The following FGF8 variants were observed in gnomAD, a reference collection of about 807,000 sequenced individuals.
The protein encoded by FGF8 is androgen-induced growth factor.
In FGF8, 12 loss-of-function variants were observed where a neutral mutation model predicts 29.7. The observed-to-expected ratio is 0.40, with a 90% CI of 0.26 to 0.65. The LOEUF (loss-of-function observed/expected upper bound fraction) is 0.65, where lower values mean the gene tolerates loss of function less well. Among genes scored for constraint, FGF8 ranks in the 30% least tolerant of loss-of-function variants. The pLI is 0.37. For synonymous variants in FGF8, 157 were observed against 144.4 expected (o/e 1.09, Z -0.63); for missense variants, 271 against 345.1 (o/e 0.79, Z 1.70).
Position 101,772,773 on chromosome 10 carries a change from A to G in FGF8, c.338-1204T>C, listed in dbSNP as rs1589811790. 6.6e-6 allele frequency among the ~76,000 whole-genome samples: 1 copy of G among 152,112 alleles called. No homozygotes were observed. The highest frequency in any genetic ancestry group is 1.9e-4 in the East Asian group (1 of 5,176). The stretch of plus-strand genomic sequence containing the variant: ...GCTTGTAATGTTCCCCGCTTCACAC[A>G]GGCTCAGTGCTGGGACCAGTGGCCA... On this transcript the variant is annotated intron_variant, in intron 4 of 5. Coordinates refer to ENST00000320185, the MANE Select transcript of FGF8 (RefSeq NM_033163.5). The surrounding 1 kb of genome is among the most constrained non-coding windows in gnomAD (Gnocchi z 4.4).
At chr10:101,773,333 C>T (rs1403236150) in intron 4 of FGF8, among the ~76,000 whole-genome samples, 3 of 152,188 alleles carry the variant, frequency 2.0e-5, no homozygotes, top group Admixed American at 6.5e-5. Flanking sequence ...GCCAGGCATT[C>T]GTCTCCTCTC....
chr10:101,770,500 G>C lies in FGF8; in HGVS notation c.564C>G (p.Pro188=). ...GCTGCCGCGTCTTGGAGCCCTTGCG[G>C]GGCCGGCCCTTGCGGGTGAAGGCCA... ...WYMAFTRKGR[P]RKGSKTRQHQ... The change falls in exon 6 of 6, where the codon CCC becomes CCG. Residue 188 remains proline, a synonymous_variant. Coordinates refer to ENST00000320185, the MANE Select transcript of FGF8 (RefSeq NM_033163.5). 1.2e-6 allele frequency: 2 copies of C among 1,613,696 alleles called. No homozygotes were observed. The highest frequency in any genetic ancestry group is 1.7e-6 in the Non-Finnish European group (2 of 1,179,924).
Position 101,775,703 on chromosome 10 carries a change from G to T in FGF8, c.69+37C>A. On this transcript the variant is annotated intron_variant, in intron 2 of 5. Coordinates refer to ENST00000320185, the MANE Select transcript of FGF8 (RefSeq NM_033163.5). The surrounding 1 kb of genome is among the most constrained non-coding windows in gnomAD (Gnocchi z 4.6). The stretch of plus-strand genomic sequence containing the variant: ...CGCTGCCCACCCGGGTCTCACACCG[G>T]CGCGCCCGGCCCCCGCCTCCGCGCA... The T allele has an allele frequency of 1.3e-6, 2 of 1,539,774 alleles. No individual in the cohort carries two copies. The highest frequency in any genetic ancestry group is 2.8e-5 in the African/African-American group (2 of 72,628).
At chr10:101,774,674 G>A in intron 4 of FGF8, 58 bp downstream of exon 4, 1 of 1,477,452 alleles carries the variant, frequency 6.8e-7, no homozygotes, top group Non-Finnish European at 9.3e-7. Context: ...GGCCAGTGCA[G>A]TTGGGACTGG....
chr10:101,778,143 A>G (rs2065113515), upstream of FGF8, among the ~76,000 whole-genome samples: 1 of 152,254 alleles, frequency 6.6e-6, no homozygotes, highest in Non-Finnish European at 1.5e-5. Context: ...TGTACACAGT[A>G]GGCCCTCAAG....
rs746533135 is a variant in FGF8 at position 101,775,832 on chromosome 10, G to C, written c.32+37C>G. Reference sequence around the variant, plus strand: ...AGGCGCGGGTGAGGCGAGGGGCGCGGGGGGCGGGTGGCGGGGCAGGGCGGC... The same window carrying C: ...AGGCGCGGGTGAGGCGAGGGGCGCGCGGGGCGGGTGGCGGGGCAGGGCGGC... On this transcript the variant is annotated intron_variant, in intron 1 of 5. Coordinates refer to ENST00000320185, the MANE Select transcript of FGF8 (RefSeq NM_033163.5). The surrounding 1 kb of genome is among the most constrained non-coding windows in gnomAD (Gnocchi z 4.6). 142 of 1,521,428 alleles carry C rather than the reference G, an allele frequency of 9.3e-5. No homozygotes were observed. In the African/African-American group the frequency reaches 1.9e-3, roughly 20 times the overall value. The allele number at this position is 1,521,428 out of a possible 1,614,324, so 94.2% of individuals were successfully genotyped here. A position where few individuals can be genotyped will look rare whatever the true frequency, so the allele number is the denominator to read the frequency against.
rs1252351111 is a variant in FGF8, at chr10:101,770,426, G to A, written c.638C>T (p.Thr213Ile). Residue 213 changes from threonine to isoleucine, a missense_variant, in exon 6 of 6, where the codon ACC (threonine) becomes ATC (isoleucine). Around this residue, in one of 3 missense-constraint regions of FGF8, gnomAD observed 62 missense variants for 58.1 expected, o/e 1.07. Coordinates refer to ENST00000320185, the MANE Select transcript of FGF8 (RefSeq NM_033163.5). ...CTCGAAGCGCAGGCTCTGCTCGGTG[G>A]TGTGGTGGCCCCGGGGCAGCCGCTT... is the stretch of plus-strand genomic sequence containing the variant. ...FMKRLPRGHHTTEQSLRFEFL... is the reference protein window; with the variant it reads ...FMKRLPRGHHITEQSLRFEFL... 2 of 1,609,240 alleles carry A rather than the reference G, an allele frequency of 1.2e-6. No individual in the cohort carries two copies. Among genetic ancestry groups the A allele is most frequent in the South Asian group, 1.1e-5 (1 of 90,374 alleles).
intron 4 of FGF8, among the ~76,000 whole-genome samples, chr10:101,773,528 A>G: frequency 7.2e-6 from 1 of 139,838 alleles, no homozygotes. Flanking sequence ...GCCGCAGTTT[A>G]CGGCAGCTCT....
At chr10:101,773,333 CG>C (rs2065048190) in intron 4 of FGF8, among the ~76,000 whole-genome samples, 2 of 152,188 alleles carry the variant, frequency 1.3e-5, no homozygotes, top group East Asian at 3.9e-4. Flanking sequence ...GCCAGGCATT[CG>C]TCTCCTCTCC....
upstream of FGF8, among the ~76,000 whole-genome samples, chr10:101,777,739 G>C (rs1480383896): frequency 6.6e-6 from 1 of 152,244 alleles, no homozygotes; most frequent in African/African-American, 2.4e-5. Context: ...GGGCAGAGCT[G>C]TTCTGCAATT....
chr10:101,770,422 G>T lies in FGF8; in HGVS notation c.642C>A (p.Thr214=). Residue 214 remains threonine, a synonymous_variant, in exon 6 of 6, where the codon ACC becomes ACA. Transcript: ENST00000320185. ...GGAACTCGAAGCGCAGGCTCTGCTC[G>T]GTGGTGTGGTGGCCCCGGGGCAGCC... ...MKRLPRGHHT[T]EQSLRFEFLN... The T allele has an allele frequency of 6.2e-7, 1 of 1,608,484 alleles. No homozygotes were observed.
At chr10:101,779,665 CG>C (rs1295767701), upstream of FGF8, among the ~76,000 whole-genome samples, 1 of 77,540 alleles carries the variant, frequency 1.3e-5, no homozygotes, top group Non-Finnish European at 2.6e-5. This position sits in a 1 kb window ranked among gnomAD's most constrained non-coding sequence, Gnocchi z 5.7. Flanking sequence ...AGTGGCATCG[CG>C]GGGGGTGGGT....
rs1449292754 is a variant in FGF8, at chr10:101,775,664, G to C, written c.69+76C>G. On this transcript the variant is annotated intron_variant, in intron 2 of 5. Transcript: ENST00000320185. This position sits in a 1 kb window ranked among gnomAD's most constrained non-coding sequence, Gnocchi z 4.6. ...CGCGCCGGCCGCAGAGTCAGTCCCG[G>C]TGCCCCCGACCGGCGCTGCCCACCC... 1 of 1,499,620 alleles carries C rather than the reference G, an allele frequency of 6.7e-7. No homozygotes were observed. The highest frequency in any genetic ancestry group is 1.4e-5 in the African/African-American group (1 of 71,758). The allele number at this position is 1,499,620 out of a possible 1,614,324, so 92.9% of individuals were successfully genotyped here. A position where few individuals can be genotyped will look rare whatever the true frequency, so the allele number is the denominator to read the frequency against.
upstream of FGF8, among the ~76,000 whole-genome samples, chr10:101,779,091 G>GC (rs1456884852): frequency 6.6e-6 from 1 of 151,622 alleles, no homozygotes; most frequent in Non-Finnish European, 1.5e-5. The surrounding 1 kb of genome is among the most constrained non-coding windows in gnomAD (Gnocchi z 5.7). Flanking sequence ...CCGCAGACAC[G>GC]CCCTCGCCTG....
intron 4 of FGF8, among the ~76,000 whole-genome samples, chr10:101,773,192 G>A (rs576344763): frequency 5.3e-5 from 8 of 152,172 alleles, no homozygotes; most frequent in Non-Finnish European, 1.0e-4. Context: ...ATATGGCCAC[G>A]GAGAGAAGTG....
chr10:101,772,807 G>A lies in FGF8; in HGVS notation c.338-1238C>T, dbSNP rs1589811823. 6.6e-6 allele frequency among the ~76,000 whole-genome samples: 1 copy of A among 152,152 alleles called. No homozygotes were observed. The highest frequency in any genetic ancestry group is 1.9e-4 in the East Asian group (1 of 5,188). ...GCTGGGACCAGTGGCCAAGCCCCCG[G>A]TTTGGCCCCAAGTCAGCAGGGAAAT... On this transcript the variant is annotated intron_variant, in intron 4 of 5. Coordinates refer to ENST00000320185, the MANE Select transcript of FGF8 (RefSeq NM_033163.5). This position sits in a 1 kb window ranked among gnomAD's most constrained non-coding sequence, Gnocchi z 4.4.
At position 101,771,685 on chromosome 10, in the gene FGF8, C is replaced by T; in HGVS notation, c.338-116G>A. On this transcript the variant is annotated intron_variant, in intron 4 of 5. Transcript: ENST00000320185. This position sits in a 1 kb window ranked among gnomAD's most constrained non-coding sequence, Gnocchi z 5.3. ...AGACCAGGAACCCAAAACATGGACT[C>T]CAGCTCCAGCCCAGCTACTAACATG... is the stretch of plus-strand genomic sequence containing the variant. The T allele has an allele frequency of 2.6e-6, 2 of 777,484 alleles. No individual in the cohort carries two copies. Among genetic ancestry groups the T allele is most frequent in the South Asian group, 2.9e-5 (2 of 69,832 alleles). The allele number at this position is 777,484 out of a possible 1,614,324, so 48.2% of individuals were successfully genotyped here.
rs749761471 is a variant in FGF8, at chr10:101,775,177, C to T, written c.109G>A (p.Ala37Thr). 14 of 1,548,352 alleles carry T rather than the reference C, an allele frequency of 9.0e-6. No individual in the cohort carries two copies. Among genetic ancestry groups the T allele is most frequent in the Admixed American group, 2.0e-5 (1 of 51,052 alleles). ...TCCCGGCCAGCCCGGAACAGGGAAG[C>T]GAGCTCCCTGCCCAGCGCAGGGCCC... ...GRGPALGREL[A>T]SLFRAGREPQ... The change falls in exon 3 of 6, where the codon GCT becomes ACT. Residue 37 changes from alanine to threonine, a missense_variant. Around this residue, in one of 3 missense-constraint regions of FGF8, gnomAD observed 168 missense variants for 207.0 expected, o/e 0.81. Transcript: ENST00000320185. The surrounding 1 kb of genome is among the most constrained non-coding windows in gnomAD (Gnocchi z 4.6).
In FGF8 at chr10:101,775,245, G is replaced by C. The variant is rs1216197617; in HGVS notation, c.70-29C>G. ...GAGGAGCAGGGCGCTTTTAAGTAGG[G>C]AGGCAGCCCTCCCCGACCCCTGACA... On this transcript the variant is annotated intron_variant, in intron 2 of 5. Coordinates refer to ENST00000320185, the MANE Select transcript of FGF8 (RefSeq NM_033163.5). This position sits in a 1 kb window ranked among gnomAD's most constrained non-coding sequence, Gnocchi z 4.6. The C allele has an allele frequency of 8.3e-6, 12 of 1,451,782 alleles. No individual in the cohort carries two copies. The East Asian group carries it at 3.0e-4, about 36-fold the overall frequency. The allele number at this position is 1,451,782 out of a possible 1,614,324, so 89.9% of individuals were successfully genotyped here. A position where few individuals can be genotyped will look rare whatever the true frequency, so the allele number is the denominator to read the frequency against.
Sources: allele counts gnomAD v4.1 joint callset (sites outside exome capture counted in the v4.1 genomes callset), GRCh38; gene constraint gnomAD v4.1.1; regional missense constraint gnomAD v4.1.1; non-coding constraint Gnocchi (gnomAD v3.1); transcripts MANE v1.5; gene names NCBI Gene and HGNC (gene_info 2026-07-23, HGNC 2026-07-21).